Variants in NUP155 observed in about 807,000 individuals in gnomAD.
The protein encoded by NUP155 is nucleoporin 155, also known as nuclear pore complex protein Nup155.
NUP155 carries 71 observed loss-of-function variants against 180.4 expected under a neutral mutation model. The observed-to-expected ratio is 0.39, with a 90% CI of 0.33 to 0.48. The LOEUF (loss-of-function observed/expected upper bound fraction) is 0.48, where lower values mean the gene tolerates loss of function less well. NUP155 is among the 20% of genes least tolerant of loss of function. The pLI, the probability that NUP155 is intolerant of heterozygous loss-of-function variation, is 0.91. For missense variants in NUP155, 1,553 were observed against 1,648.9 expected, an observed-to-expected ratio of 0.94 and a Z score of 1.01; for synonymous variants, 582 against 559.5, an observed-to-expected ratio of 1.04 and a Z score of -0.57.
intron 34 of NUP155, 148 bp downstream of exon 34, chr5:37,292,731 A>G: frequency 1.6e-6 from 1 of 625,244 alleles, no homozygotes; most frequent in South Asian, 1.9e-5. Flanking sequence ...AAAAACTCCT[A>G]TTTTTCATAC....
At chr5:37,358,697 T>C (rs1403134132) in intron 3 of NUP155, among the ~76,000 whole-genome samples, 1 of 152,050 alleles carries the variant, frequency 6.6e-6, no homozygotes. Context: ...TGCTCTTTAT[T>C]AGTTAAATAA....
chr5:37,319,737 A>G (rs1284720697), intron 20 of NUP155, among the ~76,000 whole-genome samples: 1 of 152,126 alleles, frequency 6.6e-6, no homozygotes, highest in Admixed American at 6.6e-5. Context: ...TGAGCATGGT[A>G]GCATGTGCCT....
chr5:37,315,211 G>A (rs1431412754), intron 21 of NUP155, among the ~76,000 whole-genome samples: 3 of 152,030 alleles, frequency 2.0e-5, no homozygotes, highest in Admixed American at 6.5e-5. Context: ...CAGCCTCGGC[G>A]AAAAAGCGAG....
At chr5:37,294,505 C>T (rs1327686824) in intron 32 of NUP155, 40 bp from the exon 33 acceptor site, 3 of 1,578,546 alleles carry the variant, frequency 1.9e-6, no homozygotes, top group Non-Finnish European at 2.6e-6. Context: ...GGATTTTTAG[C>T]TCTTGATACT....
intron 7 of NUP155, 49 bp from the exon 8 acceptor site, chr5:37,349,294 T>C: frequency 1.6e-6 from 1 of 626,714 alleles, no homozygotes; most frequent in Non-Finnish European, 2.7e-6. Flanking sequence ...ACCCAAGGAT[T>C]AACAAAGCAA....
At chr5:37,333,365 A>G (rs907504079) in intron 13 of NUP155, 98 bp downstream of exon 13, 7 of 1,120,562 alleles carry the variant, frequency 6.2e-6, no homozygotes, top group South Asian at 5.0e-5. Context: ...AAAAAAAAAG[A>G]AAGAAAATTA....
At chr5:37,336,394 C>G (rs1745329931) in intron 12 of NUP155, among the ~76,000 whole-genome samples, 2 of 151,224 alleles carry the variant, frequency 1.3e-5, no homozygotes, top group African/African-American at 4.9e-5. Flanking sequence ...GGTGGGAGGA[C>G]TGCTTGGGCC....
At chr5:37,325,861 G>A (rs1744569681) in intron 19 of NUP155, 40 bp downstream of exon 19, 2 of 1,251,124 alleles carry the variant, frequency 1.6e-6, no homozygotes, top group African/African-American at 3.0e-5. Context: ...ACCATCAACT[G>A]GCTACACAAA....
intron 22 of NUP155, among the ~76,000 whole-genome samples, chr5:37,311,998 G>C (rs1400265698): frequency 6.6e-6 from 1 of 152,076 alleles, no homozygotes. Context: ...TCCAGCCTGG[G>C]TGACAGAATG....
At chr5:37,336,823 G>A (rs1036499257) in intron 12 of NUP155, among the ~76,000 whole-genome samples, 14 of 152,150 alleles carry the variant, frequency 9.2e-5, no homozygotes, top group Admixed American at 2.0e-4. Flanking sequence ...ATCCCTGGGA[G>A]TTCAGTTTTT....
At chr5:37,338,642 T>C (rs1287523291) in intron 11 of NUP155, among the ~76,000 whole-genome samples, 1 of 152,092 alleles carries the variant, frequency 6.6e-6, no homozygotes, top group African/African-American at 2.4e-5. Context: ...CCTGACCTCG[T>C]GATCCGCCCA....
At chr5:37,330,708 C>T (rs1312947830) in intron 14 of NUP155, among the ~76,000 whole-genome samples, 1 of 152,118 alleles carries the variant, frequency 6.6e-6, no homozygotes, top group Admixed American at 6.6e-5. Context: ...CCTCAGGTTT[C>T]TTCCTCAGGT....
chr5:37,307,967 A>G (rs954745292), intron 24 of NUP155, among the ~76,000 whole-genome samples: 10 of 149,598 alleles, frequency 6.7e-5, no homozygotes, highest in East Asian at 5.8e-4. Context: ...ATATATATAT[A>G]TATTTCTTCA....
intron 3 of NUP155, among the ~76,000 whole-genome samples, chr5:37,361,281 A>AT (rs1747201596): frequency 6.8e-6 from 1 of 146,812 alleles, no homozygotes; most frequent in African/African-American, 2.5e-5. Flanking sequence ...AAAAAAAAAA[A>AT]AAAAGACAAT....
At chr5:37,335,303 C>T (rs917451486) in intron 12 of NUP155, among the ~76,000 whole-genome samples, 4 of 146,340 alleles carry the variant, frequency 2.7e-5, no homozygotes, top group Admixed American at 6.7e-5. Flanking sequence ...ATTGCTTGAA[C>T]CCAGGAGTTT....
intron 33 of NUP155, among the ~76,000 whole-genome samples, chr5:37,293,418 C>A (rs1193502594): frequency 6.6e-6 from 1 of 152,148 alleles, no homozygotes; most frequent in Admixed American, 6.5e-5. Flanking sequence ...GTGACTTAAG[C>A]AGGTTATTTA....
At chr5:37,301,400 G>GT (rs1268086728) in intron 30 of NUP155, 37 bp downstream of exon 30, 2 of 1,362,280 alleles carry the variant, frequency 1.5e-6, no homozygotes, top group African/African-American at 1.4e-5. Context: ...TCATTATTAG[G>GT]TAACTACTAT....
chr5:37,353,380 T>C (rs2737077), intron 4 of NUP155, among the ~76,000 whole-genome samples: 51,034 of 151,802 alleles, frequency 0.34, 13,801 homozygotes, highest in African/African-American at 0.75. Context: ...GTCAGGAGTT[T>C]GAGACCAGCC....
intron 4 of NUP155, among the ~76,000 whole-genome samples, chr5:37,355,369 A>AT (rs1746747150): frequency 6.6e-6 from 1 of 150,650 alleles, no homozygotes; most frequent in Non-Finnish European, 1.5e-5. Flanking sequence ...TTAGCCGGGA[A>AT]TGGTGGCACA....
Sources: gnomAD v4.1 joint callset for allele counts (sites outside exome capture counted in the v4.1 genomes callset) on GRCh38, gnomAD v4.1.1 for gene constraint, MANE v1.5 for transcripts, NCBI Gene and HGNC (gene_info 2026-07-23, HGNC 2026-07-21) for gene names.